The following HSP90AA1 variants were observed in gnomAD, a reference collection of about 807,000 sequenced individuals.
HSP90AA1 encodes the protein heat shock protein 90 alpha family class A member 1.
Under a neutral mutation model 73.3 loss-of-function variants are expected in HSP90AA1, and 18 were observed. That is an observed-to-expected ratio of 0.25 (90% CI 0.17 to 0.36). The LOEUF is 0.36. HSP90AA1 is among the 10% of genes least tolerant of loss of function. HSP90AA1 has a pLI of 1.00. For missense variants in HSP90AA1, 704 were observed against 874.2 expected (o/e 0.81, Z 2.45); for synonymous variants, 477 against 296.9 (o/e 1.61, Z -6.24).
intron 1 of HSP90AA1, among the ~76,000 whole-genome samples, chr14:102,122,769 GC>G (rs2049794802): frequency 6.6e-6 from 1 of 151,408 alleles, no homozygotes; most frequent in Admixed American, 6.6e-5. Context: ...CTGGGTTCGA[GC>G]GATTCTCCTG....
At chr14:102,122,815 C>CATA (rs2049796303) in intron 1 of HSP90AA1, among the ~76,000 whole-genome samples, 1 of 150,382 alleles carries the variant, frequency 6.6e-6, no homozygotes, top group Non-Finnish European at 1.5e-5. Flanking sequence ...TTACAGGTGC[C>CATA]TGCCACCATG....
At chr14:102,090,334 A>G (rs2049337588), upstream of HSP90AA1, among the ~76,000 whole-genome samples, 1 of 152,214 alleles carries the variant, frequency 6.6e-6, no homozygotes, top group African/African-American at 2.4e-5. Context: ...CCTCTCCTTC[A>G]GAGTACAGAC....
rs2049809683 is a variant in HSP90AA1, at chr14:102,123,902, G to A, written c.155+15348C>T. Among the ~76,000 whole-genome samples the A allele has an allele frequency of 2.0e-5, 3 of 151,938 alleles. No homozygotes were observed. In the South Asian group the frequency reaches 6.2e-4, roughly 32 times the overall value. ...TACAGCCTCAACCTCCTGGGCTCAGGCAATGATCCCACCTCAGCCTCCCCA... is the reference window on the plus strand; with the variant it reads ...TACAGCCTCAACCTCCTGGGCTCAGACAATGATCCCACCTCAGCCTCCCCA... On this transcript the variant is annotated intron_variant, in intron 1 of 11. Transcript: ENST00000334701.
At chr14:102,108,373 G>A (rs1415170918) in intron 1 of HSP90AA1, among the ~76,000 whole-genome samples, 1 of 150,578 alleles carries the variant, frequency 6.6e-6, no homozygotes, top group Non-Finnish European at 1.5e-5. Context: ...ACAGCCTTGT[G>A]CCATGGTGCC....
At position 102,081,496 on chromosome 14, in the gene HSP90AA1, A is replaced by G; in HGVS notation, c.*216T>C. 1.7e-6 allele frequency: 1 copy of G among 594,908 alleles called. No homozygotes were observed. The highest frequency in any genetic ancestry group is 3.0e-6 in the Non-Finnish European group (1 of 335,178). 36.9% of individuals were successfully genotyped at this position (594,908 alleles called of 1,614,324 possible). On this transcript the variant is annotated 3_prime_UTR_variant, in exon 11 of 11. Transcript: ENST00000216281. ...ACGTTACCCCAATCTGTGAAAATAAACCAACATGAAACTCAAAAAGCATTA... is the reference window on the plus strand; with the variant it reads ...ACGTTACCCCAATCTGTGAAAATAAGCCAACATGAAACTCAAAAAGCATTA...
In HSP90AA1 at chr14:102,082,092, TAC is replaced by T. The variant is rs760235395; in HGVS notation, c.2089+17_2089+18del. The T allele has an allele frequency of 2.7e-6, 4 of 1,504,746 alleles. No individual in the cohort carries two copies. The African/African-American group carries it at 5.5e-5, about 21-fold the overall frequency. 93.2% of individuals were successfully genotyped at this position (1,504,746 alleles called of 1,614,324 possible). On this transcript the variant is annotated intron_variant, in intron 10 of 10. Transcript: ENST00000216281. ...CGTGTGTTTATTTTCTTTTTAACAT[TAC>T]ATAGTATAAGGCTTACCCAGACCAA...
At chr14:102,113,874 C>T (rs1427987785) in intron 1 of HSP90AA1, among the ~76,000 whole-genome samples, 1 of 152,040 alleles carries the variant, frequency 6.6e-6, no homozygotes, top group East Asian at 1.9e-4. Flanking sequence ...CCATGCCCCG[C>T]TAATTTTTTC....
intron 5 of HSP90AA1, 27 bp downstream of exon 5, chr14:102,084,654 A>G: frequency 6.2e-7 from 1 of 1,614,058 alleles, no homozygotes. Context: ...TCTAAGGACA[A>G]GCTTGAAGCA....
chr14:102,087,149 C>T (rs2049264602), upstream of HSP90AA1: 3 of 984,092 alleles, frequency 3.0e-6, no homozygotes, highest in Non-Finnish European at 3.6e-6. Context: ...TCCCCAGCCG[C>T]CGCCGCGGCC....
In HSP90AA1 at chr14:102,114,360, TG is replaced by T. The variant is rs2049681345; in HGVS notation, c.156-12276del. Among the ~76,000 whole-genome samples, 4 of 152,306 alleles carry T rather than the reference TG, an allele frequency of 2.6e-5. 1 individual carries two copies. The highest frequency in any genetic ancestry group is 9.6e-5 in the African/African-American group (4 of 41,578). On this transcript the variant is annotated intron_variant, in intron 1 of 11. Transcript: ENST00000334701. The stretch of plus-strand genomic sequence containing the variant: ...CTTTTCTCAGATGTATGATAATCCT[TG>T]GATGTCTGCTTATGACTAAGAGTAG...
chr14:102,115,569 A>G (rs905277014), intron 1 of HSP90AA1, among the ~76,000 whole-genome samples: 2 of 152,134 alleles, frequency 1.3e-5, no homozygotes, highest in Admixed American at 1.3e-4. Context: ...CCTTGTAAAC[A>G]GTTATCAAAC....
Position 102,082,937 on chromosome 14 carries a change from T to C in HSP90AA1, c.1755+97A>G, listed in dbSNP as rs1595654815. 9 of 1,285,394 alleles carry C rather than the reference T, an allele frequency of 7.0e-6. No homozygotes were observed. The East Asian group carries it at 1.8e-4, about 26-fold the overall frequency. The allele number at this position is 1,285,394 out of a possible 1,614,324, so 79.6% of individuals were successfully genotyped here. On this transcript the variant is annotated intron_variant, in intron 9 of 10. Coordinates refer to ENST00000216281, the MANE Select transcript of HSP90AA1 (RefSeq NM_005348.4). ...CCCAGCCACACACAACATAGTTTTC[T>C]GTTTTAAGTTGAAAACATGCGAAAA...
upstream of HSP90AA1, among the ~76,000 whole-genome samples, chr14:102,089,497 C>T (rs971075176): frequency 6.6e-6 from 1 of 152,240 alleles, no homozygotes; most frequent in Non-Finnish European, 1.5e-5. Context: ...ACCATCAACA[C>T]GCCAGCCCCT....
chr14:102,108,164 G>A (rs1466309228), intron 1 of HSP90AA1, among the ~76,000 whole-genome samples: 7 of 150,534 alleles, frequency 4.7e-5, no homozygotes, highest in South Asian at 2.1e-4. Context: ...TTGGGAGGCT[G>A]AGGTGGGAGG....
rs2049100927 is a variant in HSP90AA1 at position 102,081,624 on chromosome 14, T to C, written c.*88A>G. The C allele has an allele frequency of 5.2e-6, 4 of 774,726 alleles. No homozygotes were observed. In the Admixed American group the frequency reaches 7.1e-5, roughly 14 times the overall value. 48.0% of individuals were successfully genotyped at this position (774,726 alleles called of 1,614,324 possible). A position where few individuals can be genotyped will look rare whatever the true frequency, so the allele number is the denominator to read the frequency against. On this transcript the variant is annotated 3_prime_UTR_variant, in exon 11 of 11. Coordinates refer to ENST00000216281, the MANE Select transcript of HSP90AA1 (RefSeq NM_005348.4). ...TCATGCCATACAGACTTTTTAATAT[T>C]AACAAAAATAAAGAAAAACATCCTT...
chr14:102,081,376 T>TG lies in HSP90AA1; in HGVS notation c.*335_*336insC, dbSNP rs1422660414. 2.3e-6 allele frequency: 1 copy of TG among 438,656 alleles called. No individual in the cohort carries two copies. The highest frequency in any genetic ancestry group is 4.2e-6 in the Non-Finnish European group (1 of 240,116). 27.2% of individuals were successfully genotyped at this position (438,656 alleles called of 1,614,324 possible). A position where few individuals can be genotyped will look rare whatever the true frequency, so the allele number is the denominator to read the frequency against. ...ACATCAAGATACAGCTCAGAACACT[T>TG]CAATAACAAGATTTGGTCTACTTAG... On this transcript the variant is annotated 3_prime_UTR_variant, in exon 11 of 11. Coordinates refer to ENST00000216281, the MANE Select transcript of HSP90AA1 (RefSeq NM_005348.4).
At position 102,086,374 on chromosome 14, in the gene HSP90AA1, GGCATCTGGAACGACACC is replaced by G. The variant is rs753456383; in HGVS notation, c.1-13_4del. ...TTGGTCTTGGGTCTGGGTTTCCTCA[GGCATCTGGAACGACACC>G]GCGCCGGTTTAAAACCTTGCAGGAC... On this transcript the variant is annotated splice_acceptor_variant and splice_polypyrimidine_tract_variant and coding_sequence_variant and 5_prime_UTR_variant and intron_variant, in exon 2 of 11. Transcript: ENST00000216281. LOFTEE classifies it high-confidence loss of function. The G allele has an allele frequency of 1.2e-6, 2 of 1,614,040 alleles. No individual in the cohort carries two copies. Among genetic ancestry groups the G allele is most frequent in the East Asian group, 4.5e-5 (2 of 44,896 alleles).
intron 2 of HSP90AA1, among the ~76,000 whole-genome samples, chr14:102,097,584 G>A (rs1373574863): frequency 4.6e-5 from 7 of 152,212 alleles, no homozygotes; most frequent in African/African-American, 7.2e-5. Flanking sequence ...GCCAGTGGAA[G>A]AACAGGCCTA....
intron 1 of HSP90AA1, among the ~76,000 whole-genome samples, chr14:102,113,357 T>C (rs2049665974): frequency 6.6e-6 from 1 of 151,284 alleles, no homozygotes; most frequent in South Asian, 2.1e-4. Context: ...TCTCTCTCTC[T>C]TTCTTTCTTT....
Sources: allele counts gnomAD v4.1 joint callset (sites outside exome capture counted in the v4.1 genomes callset), GRCh38; gene constraint gnomAD v4.1.1; transcripts MANE v1.5; gene names NCBI Gene and HGNC (gene_info 2026-07-23, HGNC 2026-07-21).